Variants in SVOPL observed in about 807,000 individuals in gnomAD.
SVOPL encodes SVOP like.
Under a neutral mutation model 61.0 loss-of-function variants are expected in SVOPL, and 60 were observed. The observed-to-expected ratio is 0.98, with a 90% CI of 0.80 to 1.22. The LOEUF (loss-of-function observed/expected upper bound fraction) is 1.22, where lower values mean the gene tolerates loss of function less well. Ranked by LOEUF, SVOPL falls within the 50% of genes most tolerant of loss-of-function variation. The pLI, the probability that SVOPL is intolerant of heterozygous loss-of-function variation, is 0.00. For missense variants in SVOPL, 662 were observed against 643.9 expected (o/e 1.03, Z -0.30); for synonymous variants, 279 against 250.0 (o/e 1.12, Z -1.09).
At chr7:138,624,695 T>G (rs2116896831) in intron 13 of SVOPL, among the ~76,000 whole-genome samples, 1 of 136,726 alleles carries the variant, frequency 7.3e-6, no homozygotes, top group East Asian at 2.0e-4. Context: ...GAACCAAACT[T>G]TTTTTTTTTT....
At chr7:138,619,512 C>T (rs564878897) in intron 14 of SVOPL, among the ~76,000 whole-genome samples, 31 of 147,858 alleles carry the variant, frequency 2.1e-4, no homozygotes, top group African/African-American at 7.8e-4. Flanking sequence ...CAAAAGGCAT[C>T]CCCATTTTTC....
In SVOPL at chr7:138,649,006, C is replaced by T. The variant is rs745645610; in HGVS notation, c.660+6G>A. 2 of 1,613,564 alleles carry T rather than the reference C, an allele frequency of 1.2e-6. No homozygotes were observed. Among genetic ancestry groups the T allele is most frequent in the Non-Finnish European group, 1.7e-6 (2 of 1,179,840 alleles). ...GGACAGGAAGGAGCCACAAGTGCTT[C>T]CCCACCTTGAAGGCCACGATGAGGA... is the stretch of plus-strand genomic sequence containing the variant. On this transcript the variant is annotated splice_donor_region_variant and intron_variant, in intron 8 of 15. Coordinates refer to ENST00000674285, the MANE Select transcript of SVOPL (RefSeq NM_001139456.2).
intron 3 of SVOPL, among the ~76,000 whole-genome samples, chr7:138,678,010 C>T (rs553062847): frequency 6.6e-6 from 1 of 152,250 alleles, no homozygotes; most frequent in Non-Finnish European, 1.5e-5. Context: ...AGGTGATCCA[C>T]CAGCCTCAGC....
chr7:138,617,402 G>A (rs975362521), intron 14 of SVOPL, among the ~76,000 whole-genome samples: 1 of 152,146 alleles, frequency 6.6e-6, no homozygotes, highest in African/African-American at 2.4e-5. Flanking sequence ...AGAAGGAGGA[G>A]CAAGAAGAAG....
intron 3 of SVOPL, among the ~76,000 whole-genome samples, chr7:138,677,903 C>T (rs1802608566): frequency 1.3e-5 from 2 of 152,048 alleles, no homozygotes; most frequent in Non-Finnish European, 2.9e-5. Context: ...GCTGGGATTA[C>T]AGGCACCAGC....
intron 9 of SVOPL, among the ~76,000 whole-genome samples, chr7:138,630,401 A>G (rs931027917): frequency 6.6e-6 from 1 of 152,184 alleles, no homozygotes. Flanking sequence ...TCTGCCCACC[A>G]GCACTGGCGC....
At chr7:138,651,234 C>T (rs927554037) in intron 7 of SVOPL, among the ~76,000 whole-genome samples, 1 of 152,184 alleles carries the variant, frequency 6.6e-6, no homozygotes, top group Non-Finnish European at 1.5e-5. Flanking sequence ...AGGCTTCTGT[C>T]ATTCCAGTGA....
At chr7:138,649,248 G>T (rs549316017) in intron 7 of SVOPL, 111 bp from the exon 8 acceptor site, 2 of 1,345,744 alleles carry the variant, frequency 1.5e-6, no homozygotes, top group South Asian at 3.3e-5. Flanking sequence ...TGTCCCATGT[G>T]CTTCACATAT....
At chr7:138,629,498 G>A (rs1342461524) in intron 10 of SVOPL, among the ~76,000 whole-genome samples, 9 of 152,102 alleles carry the variant, frequency 5.9e-5, no homozygotes, top group African/African-American at 1.7e-4. Context: ...CTCCCAAAGT[G>A]CTCAAAGTGC....
intron 1 of SVOPL, among the ~76,000 whole-genome samples, chr7:138,680,787 C>G (rs1488880183): frequency 6.6e-6 from 1 of 152,124 alleles, no homozygotes; most frequent in African/African-American, 2.4e-5. Flanking sequence ...ACCGTGTTAG[C>G]CAGGATGGTC....
At chr7:138,597,867 A>G (rs1798345399) in intron 14 of SVOPL, among the ~76,000 whole-genome samples, 1 of 152,084 alleles carries the variant, frequency 6.6e-6, no homozygotes, top group Non-Finnish European at 1.5e-5. Flanking sequence ...TACATCCTTT[A>G]CACCACATTT....
rs187097675 is a variant in SVOPL at position 138,700,396 on chromosome 7, T to C, written c.-35+782A>G. ...CTCTGTTGCCCAGGCTGGAGTGCCGTGGTGTGATCTTGGCTCACTGCAACC... is the reference window on the plus strand; with the variant it reads ...CTCTGTTGCCCAGGCTGGAGTGCCGCGGTGTGATCTTGGCTCACTGCAACC... On this transcript the variant is annotated intron_variant, in intron 1 of 15. Coordinates refer to ENST00000674285, the MANE Select transcript of SVOPL (RefSeq NM_001139456.2). Among the ~76,000 whole-genome samples, 512 of 143,536 alleles carry C rather than the reference T, an allele frequency of 3.6e-3. 4 individuals are homozygous for C. The highest frequency in any genetic ancestry group is 0.012 in the African/African-American group (476 of 39,034). 94.2% of individuals were successfully genotyped at this position (143,536 alleles called of 152,430 possible).
rs548802805 is a variant in SVOPL at position 138,609,781 on chromosome 7, G to A, written c.1353+11265C>T. ...AGAGTCTCGTTCTGCTGCCCAGGAT[G>A]GAATGCAGTGGCGTGATCTCAGCTC... On this transcript the variant is annotated intron_variant, in intron 14 of 15. Coordinates refer to ENST00000674285, the MANE Select transcript of SVOPL (RefSeq NM_001139456.2). 3.0e-3 allele frequency among the ~76,000 whole-genome samples: 460 copies of A among 152,070 alleles called. 3 individuals are homozygous for A. Among genetic ancestry groups the A allele is most frequent in the African/African-American group, 1.0e-2 (413 of 41,476 alleles).
At chr7:138,601,152 T>C (rs1200585794) in intron 14 of SVOPL, among the ~76,000 whole-genome samples, 1 of 148,912 alleles carries the variant, frequency 6.7e-6, no homozygotes, top group Non-Finnish European at 1.5e-5. Flanking sequence ...CTTGGGAGGC[T>C]GAGGTAGGAG....
chr7:138,622,026 C>G (rs201583289), intron 13 of SVOPL, among the ~76,000 whole-genome samples: 174 of 75,986 alleles, frequency 2.3e-3, no homozygotes, highest in East Asian at 4.0e-3. Flanking sequence ...ATGTATCTAT[C>G]TATCTATCTA....
chr7:138,641,066 G>A (rs1001075120), intron 9 of SVOPL, among the ~76,000 whole-genome samples: 1 of 152,040 alleles, frequency 6.6e-6, no homozygotes, highest in Non-Finnish European at 1.5e-5. Flanking sequence ...AGCTGGGTAT[G>A]ATGGCGCACA....
intron 4 of SVOPL, among the ~76,000 whole-genome samples, chr7:138,663,729 C>A: frequency 6.6e-6 from 1 of 152,132 alleles, no homozygotes; most frequent in East Asian, 1.9e-4. Context: ...GGCCTGAGAC[C>A]TCAGCTGCTG....
In SVOPL at chr7:138,671,993, T is replaced by G. The variant is rs1308433722; in HGVS notation, c.273+26A>C. ...GAGCCTACGCCCTCAGTTGCTGTGT[T>G]CACGGCACAGGGAGCAGGTACTTAC... On this transcript the variant is annotated intron_variant, in intron 4 of 15. Transcript: ENST00000674285. 10 of 1,549,276 alleles carry G rather than the reference T, an allele frequency of 6.5e-6. No individual in the cohort carries two copies. The African/African-American group carries it at 1.4e-4, about 21-fold the overall frequency.
intron 14 of SVOPL, among the ~76,000 whole-genome samples, chr7:138,598,701 A>G (rs949749231): frequency 6.6e-5 from 10 of 152,368 alleles, no homozygotes; most frequent in African/African-American, 2.2e-4. Context: ...GCACTAAAGA[A>G]GTCTCAAGAA....
Sources: allele counts gnomAD v4.1 joint callset (sites outside exome capture counted in the v4.1 genomes callset), GRCh38; gene constraint gnomAD v4.1.1; transcripts MANE v1.5; gene names NCBI Gene and HGNC (gene_info 2026-07-23, HGNC 2026-07-21).